The following NTM variants were observed in gnomAD, a reference collection of about 807,000 sequenced individuals.
NTM encodes the protein IgLON family member 2.
Under a neutral mutation model 42.1 loss-of-function variants are expected in NTM, and 13 were observed. The ratio of observed to expected loss-of-function variants is 0.31; its 90% confidence interval spans 0.20 to 0.49. The LOEUF (loss-of-function observed/expected upper bound fraction) is 0.49, where lower values mean the gene tolerates loss of function less well. Among genes scored for constraint, NTM ranks in the 20% least tolerant of loss-of-function variants. NTM has a pLI of 0.99. For missense variants in NTM, 373 were observed against 452.8 expected, an observed-to-expected ratio of 0.82 and a Z score of 1.60; for synonymous variants, 187 against 179.2, an observed-to-expected ratio of 1.04 and a Z score of -0.35.
chr11:131,575,076 G>A (rs2057802393), intron 1 of NTM, among the ~76,000 whole-genome samples: 1 of 152,120 alleles, frequency 6.6e-6, no homozygotes, highest in Non-Finnish European at 1.5e-5. Context: ...CAGAAAACCA[G>A]TCCGTTTGGA....
chr11:132,220,040 G>A (rs1395175838), intron 4 of NTM, among the ~76,000 whole-genome samples: 2 of 152,086 alleles, frequency 1.3e-5, no homozygotes, highest in Non-Finnish European at 2.9e-5. Context: ...ATCCCAGGAG[G>A]GCCAAGTAAT....
intron 1 of NTM, among the ~76,000 whole-genome samples, chr11:131,648,680 C>G (rs541302979): frequency 6.6e-6 from 1 of 152,292 alleles, no homozygotes; most frequent in South Asian, 2.1e-4. Flanking sequence ...TATATTCTTA[C>G]AAACCCCATT....
chr11:132,324,362 A>G (rs1239726916), intron 7 of NTM, among the ~76,000 whole-genome samples: 3 of 149,674 alleles, frequency 2.0e-5, no homozygotes, highest in African/African-American at 7.3e-5. Context: ...AAAAATCACA[A>G]GCATTCCTAT....
At chr11:132,021,432 T>C (rs2074313985) in intron 2 of NTM, among the ~76,000 whole-genome samples, 1 of 152,204 alleles carries the variant, frequency 6.6e-6, no homozygotes, top group Non-Finnish European at 1.5e-5. Flanking sequence ...CAGTTTCCTC[T>C]TTCCTTGCAT....
intron 2 of NTM, among the ~76,000 whole-genome samples, chr11:132,057,683 G>T (rs962176974): frequency 1.3e-5 from 2 of 152,160 alleles, no homozygotes; most frequent in South Asian, 4.1e-4. Context: ...TGCTTAATTT[G>T]TGAGGGGAAT....
chr11:131,793,823 G>A (rs575928461), intron 1 of NTM, among the ~76,000 whole-genome samples: 13 of 152,268 alleles, frequency 8.5e-5, no homozygotes, highest in African/African-American at 2.4e-4. Flanking sequence ...ATCAGCATAC[G>A]GGCTGAGGGC....
chr11:131,585,275 A>G (rs186464922), intron 1 of NTM, among the ~76,000 whole-genome samples: 1 of 151,976 alleles, frequency 6.6e-6, no homozygotes, highest in East Asian at 1.9e-4. Flanking sequence ...TGTAAATGTG[A>G]TTGAGAATTC....
chr11:131,768,856 G>A, intron 1 of NTM, among the ~76,000 whole-genome samples: 1 of 152,102 alleles, frequency 6.6e-6, no homozygotes, highest in East Asian at 1.9e-4. Flanking sequence ...CTAATCCGTG[G>A]GTCCAGAGTC....
intron 1 of NTM, among the ~76,000 whole-genome samples, chr11:131,717,588 T>G (rs773472033): frequency 2.6e-5 from 4 of 152,238 alleles, no homozygotes; most frequent in Non-Finnish European, 4.4e-5. Flanking sequence ...CTTGTAACAA[T>G]GCTACTCTTG....
At chr11:131,587,835 G>C (rs1356769805) in intron 1 of NTM, among the ~76,000 whole-genome samples, 3 of 152,152 alleles carry the variant, frequency 2.0e-5, no homozygotes, top group Admixed American at 1.3e-4. Flanking sequence ...TGAAAGAAGA[G>C]GTGGTCAGAG....
At chr11:131,434,296 T>TA (rs1237532229) in intron 1 of NTM, among the ~76,000 whole-genome samples, 8 of 152,252 alleles carry the variant, frequency 5.3e-5, no homozygotes, top group African/African-American at 1.9e-4. Context: ...CCTTTGGGTA[T>TA]ATACCCAGTA....
chr11:131,854,109 T>C (rs978245855), intron 1 of NTM, among the ~76,000 whole-genome samples: 2 of 152,206 alleles, frequency 1.3e-5, no homozygotes, highest in Non-Finnish European at 2.9e-5. Context: ...AAAGCATTGG[T>C]ATATTTTTAC....
intron 1 of NTM, among the ~76,000 whole-genome samples, chr11:131,638,893 TAAC>T (rs1445041025): frequency 3.3e-5 from 5 of 152,244 alleles, no homozygotes; most frequent in African/African-American, 7.2e-5. Context: ...TTTAGAATAA[TAAC>T]AACAACAATA....
In NTM at chr11:132,335,181, C is replaced by G; in HGVS notation, c.*35C>G. 6.2e-7 allele frequency: 1 copy of G among 1,607,948 alleles called. No homozygotes were observed. The highest frequency in any genetic ancestry group is 8.5e-7 in the Non-Finnish European group (1 of 1,178,820). On this transcript the variant is annotated 3_prime_UTR_variant, in exon 9 of 9. Transcript: ENST00000683400. ...CACTTCCCCACCCGGGAAAGGCTGCCGCCACCACCACCACCAACACAACAG... is the reference window on the plus strand; with the variant it reads ...CACTTCCCCACCCGGGAAAGGCTGCGGCCACCACCACCACCAACACAACAG...
intron 1 of NTM, among the ~76,000 whole-genome samples, chr11:131,827,864 C>T (rs977459002): frequency 2.0e-5 from 3 of 152,166 alleles, no homozygotes; most frequent in African/African-American, 4.8e-5. Context: ...CTCGAAGCTG[C>T]CCTCTACCAT....
intron 3 of NTM, among the ~76,000 whole-genome samples, chr11:132,174,205 C>G (rs1263390264): frequency 6.6e-6 from 1 of 152,224 alleles, no homozygotes; most frequent in African/African-American, 2.4e-5. Flanking sequence ...TAGGCCCTCA[C>G]TGGGCACTGA....
chr11:132,182,366 T>C, intron 3 of NTM, among the ~76,000 whole-genome samples: 1 of 152,198 alleles, frequency 6.6e-6, no homozygotes, highest in Non-Finnish European at 1.5e-5. Flanking sequence ...CAGTGTCTGA[T>C]CACCTGCATT....
chr11:131,397,344 A>AT (rs1371623172), intron 1 of NTM, among the ~76,000 whole-genome samples: 1 of 151,992 alleles, frequency 6.6e-6, no homozygotes, highest in Non-Finnish European at 1.5e-5. Flanking sequence ...CAATTTTATC[A>AT]TTTTACCTTT....
intron 4 of NTM, among the ~76,000 whole-genome samples, chr11:132,305,226 T>G (rs2140158167): frequency 6.6e-6 from 1 of 152,302 alleles, no homozygotes. Flanking sequence ...CATATTTGAA[T>G]TATGGAATTG....
Sources: gnomAD v4.1 joint callset for allele counts (sites outside exome capture counted in the v4.1 genomes callset) on GRCh38, gnomAD v4.1.1 for gene constraint, MANE v1.5 for transcripts, NCBI Gene and HGNC (gene_info 2026-07-23, HGNC 2026-07-21) for gene names.